LRRN1: variants seen among roughly 807,000 people sequenced by gnomAD.
LRRN1 encodes leucine rich repeat neuronal 1, also known as leucine-rich repeat neuronal protein 1.
A neutral mutation model predicts 45.8 loss-of-function variants in LRRN1; 14 were observed. That is an observed-to-expected ratio of 0.31 (90% CI 0.20 to 0.48). The LOEUF (loss-of-function observed/expected upper bound fraction) is 0.48, where lower values mean the gene tolerates loss of function less well. LRRN1 is among the 20% of genes least tolerant of loss of function. LRRN1 has a pLI of 0.99. For missense variants in LRRN1, 789 were observed against 874.2 expected (o/e 0.90, Z 1.23); for synonymous variants, 359 against 330.1 (o/e 1.09, Z -0.95).
chr3:3,814,998 G>T (rs918615914), intron 1 of LRRN1, among the ~76,000 whole-genome samples: 12 of 152,000 alleles, frequency 7.9e-5, no homozygotes, highest in Non-Finnish European at 1.5e-4. Context: ...CCTTTTTAAT[G>T]TACCATCTGT....
At chr3:3,802,066 G>A (rs1692664125) in intron 1 of LRRN1, among the ~76,000 whole-genome samples, 1 of 152,132 alleles carries the variant, frequency 6.6e-6, no homozygotes, top group Non-Finnish European at 1.5e-5. Context: ...AAGTCATTTC[G>A]GTTCTTAAGG....
At chr3:3,829,249 A>G (rs531188656) in intron 1 of LRRN1, among the ~76,000 whole-genome samples, 1 of 152,148 alleles carries the variant, frequency 6.6e-6, no homozygotes, top group African/African-American at 2.4e-5. Context: ...CTCCCTTCTT[A>G]GCCTGTTGAC....
Position 3,844,609 on chromosome 3 carries a change from G to A in LRRN1, c.-33G>A, listed in dbSNP as rs760821403. The A allele has an allele frequency of 1.1e-5, 17 of 1,538,224 alleles. No homozygotes were observed. The highest frequency in any genetic ancestry group is 4.8e-5 in the South Asian group (4 of 83,870). On this transcript the variant is annotated 5_prime_UTR_variant, in exon 2 of 2. In the 5' UTR this introduces an upstream ATG that the reference lacks. Transcript: ENST00000319331. ...GTTCACGTTTTGTTAAAACTTTGGG[G>A]TGTCAGGAGTTGAGCTTGCTCAGCA...
rs1227333149 is a variant in LRRN1 at position 3,848,846 on chromosome 3, A to G, written c.*2054A>G. On this transcript the variant is annotated 3_prime_UTR_variant, in exon 2 of 2. Transcript: ENST00000319331. Reference sequence around the variant, plus strand: ...GGCCCCTCTTTTGCAGTTCTGAATAACCTCTAGTGCCCCTGCTTCAAAAAT... The same window carrying G: ...GGCCCCTCTTTTGCAGTTCTGAATAGCCTCTAGTGCCCCTGCTTCAAAAAT... Among the ~76,000 whole-genome samples the G allele has an allele frequency of 6.6e-6, 1 of 152,024 alleles. No individual in the cohort carries two copies. The highest frequency in any genetic ancestry group is 1.5e-5 in the Non-Finnish European group (1 of 68,000).
At chr3:3,817,687 T>C (rs1375199084) in intron 1 of LRRN1, among the ~76,000 whole-genome samples, 1 of 149,612 alleles carries the variant, frequency 6.7e-6, no homozygotes, top group East Asian at 2.0e-4. Flanking sequence ...GGACATTGGA[T>C]GTTAGTTTTT....
rs772667721 is a variant in LRRN1, at chr3:3,844,988, C to G, written c.347C>G (p.Ala116Gly). The G allele has an allele frequency of 6.2e-7, 1 of 1,614,092 alleles. No individual in the cohort carries two copies. Among genetic ancestry groups the G allele is most frequent in the East Asian group, 2.2e-5 (1 of 44,842 alleles). The change falls in exon 2 of 2, where the codon GCA becomes GGA. Residue 116 changes from alanine to glycine, a missense_variant. Physicochemically the swap from Ala to Gly is moderately conservative, Grantham distance 60. Coordinates refer to ENST00000319331, the MANE Select transcript of LRRN1 (RefSeq NM_020873.7). The part of the protein sequence containing the change: ...NFTNIKEVGL[A>G]NLTQLTTLHL... ...ACTAACATTAAGGAGGTCGGGCTGG[C>G]AAACCTAACCCAGCTCACAACGCTG...
At chr3:3,802,969 T>C (rs1341299124) in intron 1 of LRRN1, among the ~76,000 whole-genome samples, 1 of 139,152 alleles carries the variant, frequency 7.2e-6, no homozygotes, top group African/African-American at 2.5e-5. Flanking sequence ...CATTCCTTGG[T>C]AAATAAAACT....
intron 1 of LRRN1, among the ~76,000 whole-genome samples, chr3:3,802,927 C>G (rs1692684733): frequency 6.6e-6 from 1 of 152,178 alleles, no homozygotes; most frequent in Non-Finnish European, 1.5e-5. Flanking sequence ...AATCGTTATT[C>G]TGCAAGTCTA....
rs3749346 is a variant in LRRN1, at chr3:3,848,237, C to G, written c.*1445C>G. Among the ~76,000 whole-genome samples, 8,958 of 152,124 alleles carry G rather than the reference C, an allele frequency of 0.059. 487 individuals are homozygous for G. Among genetic ancestry groups the G allele is most frequent in the East Asian group, 0.19 (982 of 5,158 alleles). On this transcript the variant is annotated 3_prime_UTR_variant, in exon 2 of 2. Transcript: ENST00000319331. ...AAAACAAAACAACTTCCGTACAGTT[C>G]AAACTTTTCATCCAAATATATATAG...
rs1292641020 is a variant in LRRN1, at chr3:3,848,805, T to C, written c.*2013T>C. On this transcript the variant is annotated 3_prime_UTR_variant, in exon 2 of 2. Transcript: ENST00000319331. ...TGATTGTTCTAGGCCCGGCAGCCTG[T>C]TAGGTTCCTGTGCAGGGCCCCTCTT... Among the ~76,000 whole-genome samples the C allele has an allele frequency of 6.6e-6, 1 of 152,198 alleles. No individual in the cohort carries two copies. Among genetic ancestry groups the C allele is most frequent in the African/African-American group, 2.4e-5 (1 of 41,456 alleles).
chr3:3,842,402 T>TG (rs575086907), intron 1 of LRRN1, among the ~76,000 whole-genome samples: 222 of 144,746 alleles, frequency 1.5e-3, no homozygotes, highest in African/African-American at 5.4e-3. Flanking sequence ...CTGGATTTAA[T>TG]TTTTTTTTTT....
intron 1 of LRRN1, among the ~76,000 whole-genome samples, chr3:3,802,889 T>C (rs980709105): frequency 1.3e-5 from 2 of 152,234 alleles, no homozygotes; most frequent in African/African-American, 4.8e-5. Context: ...TTGTGAAACC[T>C]TATCTTTGGC....
Position 3,799,703 on chromosome 3 carries a change from A to T in LRRN1, c.-495A>T, listed in dbSNP as rs565235414. On this transcript the variant is annotated 5_prime_UTR_variant, in exon 1 of 2. Coordinates refer to ENST00000319331, the MANE Select transcript of LRRN1 (RefSeq NM_020873.7). ...CCGACTGAGCCCAGCCCCGTGCAGC[A>T]GCGGTTGCCTGTGTCGCCGCCTAGT... is the stretch of plus-strand genomic sequence containing the variant. 1 of 154,008 alleles carries T rather than the reference A, an allele frequency of 6.5e-6. No individual in the cohort carries two copies. The highest frequency in any genetic ancestry group is 1.8e-4 in the South Asian group (1 of 5,524). The allele number at this position is 154,008 out of a possible 1,614,324, so 9.5% of individuals were successfully genotyped here.
intron 1 of LRRN1, among the ~76,000 whole-genome samples, chr3:3,801,716 G>A (rs1014906399): frequency 2.0e-5 from 3 of 152,180 alleles, no homozygotes; most frequent in Non-Finnish European, 2.9e-5. Flanking sequence ...TTATTCAGGA[G>A]CCAAATTCTT....
intron 1 of LRRN1, among the ~76,000 whole-genome samples, chr3:3,807,565 A>G (rs1692791897): frequency 6.6e-6 from 1 of 152,164 alleles, no homozygotes; most frequent in African/African-American, 2.4e-5. Flanking sequence ...ACCTTCCCTC[A>G]AGGTCTTATT....
Position 3,844,636 on chromosome 3 carries a change from G to A in LRRN1, c.-6G>A, listed in dbSNP as rs1210563173. 6.2e-7 allele frequency: 1 copy of A among 1,603,466 alleles called. No individual in the cohort carries two copies. The highest frequency in any genetic ancestry group is 8.5e-7 in the Non-Finnish European group (1 of 1,173,436). On this transcript the variant is annotated 5_prime_UTR_variant, in exon 2 of 2. Transcript: ENST00000319331. ...GTCAGGAGTTGAGCTTGCTCAGCAAGCCAGCATGGCTAGGATGAGCTTTGT... is the reference window on the plus strand; with the variant it reads ...GTCAGGAGTTGAGCTTGCTCAGCAAACCAGCATGGCTAGGATGAGCTTTGT...
In LRRN1 at chr3:3,811,396, T is replaced by G. The variant is rs138740267; in HGVS notation, c.-279+11477T>G. ...GCTTCGTAAGGGAAAAGGCTATGACTGAGTCTTAGGTCCCTGGCACCTATA... is the reference window on the plus strand; with the variant it reads ...GCTTCGTAAGGGAAAAGGCTATGACGGAGTCTTAGGTCCCTGGCACCTATA... On this transcript the variant is annotated intron_variant, in intron 1 of 1. Coordinates refer to ENST00000319331, the MANE Select transcript of LRRN1 (RefSeq NM_020873.7). Among the ~76,000 whole-genome samples, 4 of 152,222 alleles carry G rather than the reference T, an allele frequency of 2.6e-5. No homozygotes were observed. In the East Asian group the frequency reaches 7.7e-4, roughly 29 times the overall value.
At chr3:3,811,926 A>G (rs535744051) in intron 1 of LRRN1, among the ~76,000 whole-genome samples, 3 of 152,232 alleles carry the variant, frequency 2.0e-5, no homozygotes, top group African/African-American at 4.8e-5. Flanking sequence ...TTTGAATCTC[A>G]ACTTTGTCAC....
intron 1 of LRRN1, among the ~76,000 whole-genome samples, chr3:3,824,811 C>T (rs1693181871): frequency 6.6e-6 from 1 of 152,292 alleles, no homozygotes; most frequent in Non-Finnish European, 1.5e-5. Context: ...GATTGTCTAT[C>T]TAGAGTGCAG....
Sources: allele counts gnomAD v4.1 joint callset (sites outside exome capture counted in the v4.1 genomes callset), GRCh38; gene constraint gnomAD v4.1.1; transcripts MANE v1.5; gene names NCBI Gene and HGNC (gene_info 2026-07-23, HGNC 2026-07-21).